The following CPNE8 variants were observed in gnomAD, a reference collection of about 807,000 sequenced individuals.
CPNE8 encodes the protein copine-8.
CPNE8 carries 45 observed loss-of-function variants against 81.5 expected under a neutral mutation model. The ratio of observed to expected loss-of-function variants is 0.55; its 90% confidence interval spans 0.44 to 0.71. CPNE8 has a LOEUF of 0.71. CPNE8 is among the 30% of genes least tolerant of loss of function. CPNE8 has a pLI of 0.00. For synonymous variants in CPNE8, 252 were observed against 226.3 expected (o/e 1.11, Z -1.02); for missense variants, 594 against 672.1 (o/e 0.88, Z 1.28).
chr12:38,723,656 TG>T, intron 13 of CPNE8, 115 bp downstream of exon 13: 1 of 723,080 alleles, frequency 1.4e-6, no homozygotes. Flanking sequence ...CTAATAGGCT[TG>T]CCATCAAAAT....
At chr12:38,884,240 C>T (rs1944206831) in intron 1 of CPNE8, among the ~76,000 whole-genome samples, 1 of 152,122 alleles carries the variant, frequency 6.6e-6, no homozygotes, top group African/African-American at 2.4e-5. Flanking sequence ...CTTTCTGTCT[C>T]CATGTATTTG....
chr12:38,730,269 A>G lies in CPNE8; in HGVS notation c.798+14T>C. 4 of 1,472,082 alleles carry G rather than the reference A, an allele frequency of 2.7e-6. No individual in the cohort carries two copies. The highest frequency in any genetic ancestry group is 2.8e-6 in the Non-Finnish European group (3 of 1,055,874). The allele number at this position is 1,472,082 out of a possible 1,614,324, so 91.2% of individuals were successfully genotyped here. Reference sequence around the variant, plus strand: ...TTCTAGAAAAAAACAATGGTAAAATAAAATGCCTCTTACCTCATATACGTT... The same window carrying G: ...TTCTAGAAAAAAACAATGGTAAAATGAAATGCCTCTTACCTCATATACGTT... On this transcript the variant is annotated intron_variant, in intron 11 of 19. Coordinates refer to ENST00000331366, the MANE Select transcript of CPNE8 (RefSeq NM_153634.3).
intron 6 of CPNE8, among the ~76,000 whole-genome samples, chr12:38,809,418 T>C (rs1942889777): frequency 6.6e-6 from 1 of 152,212 alleles, no homozygotes; most frequent in Non-Finnish European, 1.5e-5. Context: ...AAGGGTCACA[T>C]GATTATATTA....
chr12:38,780,586 C>T (rs1011436157), intron 6 of CPNE8, among the ~76,000 whole-genome samples: 3 of 151,884 alleles, frequency 2.0e-5, no homozygotes, highest in African/African-American at 4.8e-5. Context: ...GAATATATCT[C>T]CAGAGGAACC....
At chr12:38,891,449 ATT>A (rs745723951) in intron 1 of CPNE8, among the ~76,000 whole-genome samples, 1 of 145,718 alleles carries the variant, frequency 6.9e-6, no homozygotes, top group Non-Finnish European at 1.5e-5. Context: ...GTATAAACTA[ATT>A]TTTTTTTTTT....
intron 10 of CPNE8, among the ~76,000 whole-genome samples, chr12:38,758,334 C>G (rs947501873): frequency 2.9e-5 from 3 of 103,004 alleles, no homozygotes; most frequent in Non-Finnish European, 7.9e-5. Flanking sequence ...AAATGCTTTA[C>G]CCATTTTTCC....
In CPNE8 at chr12:38,802,905, A is replaced by G. The variant is rs535693417; in HGVS notation, c.407+26474T>C. ...TCTACGCAAATAAACTAGAAAATCT[A>G]GAAGAAATAGATACATTCCTCGACA... On this transcript the variant is annotated intron_variant, in intron 6 of 19. Coordinates refer to ENST00000331366, the MANE Select transcript of CPNE8 (RefSeq NM_153634.3). 3.3e-5 allele frequency among the ~76,000 whole-genome samples: 5 copies of G among 149,844 alleles called. No homozygotes were observed. The East Asian group carries it at 8.0e-4, about 24-fold the overall frequency.
chr12:38,760,318 C>G (rs1000325272), intron 10 of CPNE8, among the ~76,000 whole-genome samples: 1 of 151,724 alleles, frequency 6.6e-6, no homozygotes, highest in Non-Finnish European at 1.5e-5. Context: ...AGTTTCCTCT[C>G]TTTTAGTCTT....
intron 10 of CPNE8, among the ~76,000 whole-genome samples, chr12:38,744,528 A>G (rs1443073083): frequency 6.6e-6 from 1 of 152,190 alleles, no homozygotes; most frequent in Non-Finnish European, 1.5e-5. Flanking sequence ...TATGTTTTAC[A>G]TCAGTCTTCA....
chr12:38,739,488 G>C (rs1003738214), intron 10 of CPNE8, among the ~76,000 whole-genome samples: 1 of 152,088 alleles, frequency 6.6e-6, no homozygotes, highest in Non-Finnish European at 1.5e-5. Flanking sequence ...TAGGTAACTT[G>C]TTCCTAAAAC....
intron 11 of CPNE8, among the ~76,000 whole-genome samples, 174 bp from the exon 12 acceptor site, chr12:38,725,073 A>AG (rs1305950354): frequency 3.3e-5 from 5 of 152,180 alleles, no homozygotes; most frequent in South Asian, 2.1e-4. Flanking sequence ...TCTCTGCAAA[A>AG]GTTAATAGTG....
intron 6 of CPNE8, among the ~76,000 whole-genome samples, chr12:38,805,676 T>A (rs867404530): frequency 3.1e-3 from 84 of 26,910 alleles, no homozygotes; most frequent in Non-Finnish European, 7.5e-3. Flanking sequence ...AAAAAAAACA[T>A]TAAAAAAAAA....
At chr12:38,745,840 T>C (rs1565595119) in intron 10 of CPNE8, among the ~76,000 whole-genome samples, 1 of 152,184 alleles carries the variant, frequency 6.6e-6, no homozygotes, top group Non-Finnish European at 1.5e-5. Flanking sequence ...CGGCACCCCA[T>C]AGGGTTTTTA....
chr12:38,806,881 A>T (rs145568958), intron 6 of CPNE8, among the ~76,000 whole-genome samples: 1,964 of 151,332 alleles, frequency 0.013, 49 homozygotes, highest in African/African-American at 0.044. Context: ...AATCTCCTTA[A>T]GCTGATAAGC....
intron 3 of CPNE8, among the ~76,000 whole-genome samples, chr12:38,862,352 T>A (rs1943850177): frequency 6.6e-6 from 1 of 152,050 alleles, no homozygotes; most frequent in East Asian, 1.9e-4. Flanking sequence ...TTCTGGTTAT[T>A]ATGATTATGG....
intron 16 of CPNE8, chr12:38,679,660 G>C: frequency 1.0e-6 from 1 of 984,774 alleles, no homozygotes; most frequent in Non-Finnish European, 1.2e-6. Context: ...ACCAGTTGTT[G>C]CTTCTTTGGC....
upstream of CPNE8, chr12:38,906,031 C>G: frequency 1.0e-6 from 1 of 987,904 alleles, no homozygotes; most frequent in Non-Finnish European, 1.2e-6. Context: ...CAGGTGTGGA[C>G]GGGAAGGTCT....
At chr12:38,867,530 A>G (rs951086146) in intron 3 of CPNE8, among the ~76,000 whole-genome samples, 3 of 152,166 alleles carry the variant, frequency 2.0e-5, no homozygotes, top group African/African-American at 7.2e-5. Context: ...TGCTATAATC[A>G]CTGTAGTTCA....
At chr12:38,780,878 A>G (rs1215093263) in intron 6 of CPNE8, among the ~76,000 whole-genome samples, 1 of 152,092 alleles carries the variant, frequency 6.6e-6, no homozygotes, top group Non-Finnish European at 1.5e-5. Context: ...GAAGGAAATG[A>G]TCACAGATGG....
Sources: gnomAD v4.1 joint callset for allele counts (sites outside exome capture counted in the v4.1 genomes callset) on GRCh38, gnomAD v4.1.1 for gene constraint, MANE v1.5 for transcripts, NCBI Gene and HGNC (gene_info 2026-07-23, HGNC 2026-07-21) for gene names.